Variants in BRI3 observed in about 807,000 individuals in gnomAD.
BRI3 encodes membrane protein BRI3.
A neutral mutation model predicts 12.8 loss-of-function variants in BRI3; 6 were observed. The observed-to-expected ratio is 0.47, with a 90% CI of 0.26 to 0.93. The LOEUF is 0.93. BRI3 is among the 40% of genes least tolerant of loss of function. The probability of loss-of-function intolerance (pLI) is 0.15; values close to 1 mark genes in which losing one functional copy is unlikely to be tolerated. For synonymous variants in BRI3, 91 were observed against 76.1 expected (o/e 1.20, Z -1.02); for missense variants, 134 against 171.1 (o/e 0.78, Z 1.21).
At chr7:98,317,948 C>T in the BRI3 span, among the ~76,000 whole-genome samples, 3 of 147,788 alleles carry the variant, frequency 2.0e-5, no homozygotes, top group African/African-American at 7.3e-5. Context: ...CTGGCCGGGG[C>T]CCTCACTCAT....
chr7:98,301,562 C>T (rs1425253363), upstream of BRI3, among the ~76,000 whole-genome samples: 1 of 151,528 alleles, frequency 6.6e-6, no homozygotes, highest in African/African-American at 2.4e-5. Context: ...CGTGATCCGC[C>T]CACTTCGGAC....
downstream of BRI3, chr7:98,310,577 C>T (rs779175493): frequency 1.6e-5 from 25 of 1,587,700 alleles, no homozygotes; most frequent in Non-Finnish European, 1.8e-5. Context: ...GAAAGGGTGT[C>T]GTAATCTTTC....
At chr7:98,310,277 G>C in exon 2 of BRI3, 1 of 637,954 alleles carries the variant, frequency 1.6e-6, no homozygotes, top group Non-Finnish European at 2.6e-6. Context: ...GTCTAGTCCT[G>C]TATTTCTTCT....
At chr7:98,312,987 G>A (rs1800925943), downstream of BRI3, among the ~76,000 whole-genome samples, 1 of 152,180 alleles carries the variant, frequency 6.6e-6, no homozygotes. Context: ...AGGGGAGGCA[G>A]GAGCCTGTCC....
intron 2 of BRI3, among the ~76,000 whole-genome samples, chr7:98,289,651 T>TG (rs1189015992): frequency 3.3e-5 from 5 of 151,924 alleles, no homozygotes; most frequent in Admixed American, 2.0e-4. Flanking sequence ...ACTGGCTGGA[T>TG]GGGGGGTTTG....
intron 2 of BRI3, among the ~76,000 whole-genome samples, chr7:98,290,146 CT>C (rs1307100023): frequency 6.8e-6 from 1 of 146,702 alleles, no homozygotes; most frequent in Non-Finnish European, 1.5e-5. Context: ...ATGTATGTGG[CT>C]TGTGGCACCA....
At chr7:98,312,413 CA>C (rs1260950570), downstream of BRI3, 67 of 811,156 alleles carry the variant, frequency 8.3e-5, 1 homozygote, top group Non-Finnish European at 1.1e-4. Context: ...GCACTTTAAG[CA>C]CCTAGAGGAT....
At position 98,288,977 on chromosome 7, in the gene BRI3, T is replaced by G. The variant is rs796709125; in HGVS notation, c.246-2134T>G. On this transcript the variant is annotated intron_variant, in intron 2 of 2. Coordinates refer to ENST00000297290, the MANE Select transcript of BRI3 (RefSeq NM_015379.5). ...AGTTTTTTTCTTTTTTCTTTTTTTTTGAGACGGAGTTTTGCTCTTGTTGCC... is the reference window on the plus strand; with the variant it reads ...AGTTTTTTTCTTTTTTCTTTTTTTTGGAGACGGAGTTTTGCTCTTGTTGCC... 1.9e-4 allele frequency among the ~76,000 whole-genome samples: 29 copies of G among 152,238 alleles called. 1 individual carries two copies. Among genetic ancestry groups the G allele is most frequent in the African/African-American group, 7.0e-4 (29 of 41,552 alleles).
At chr7:98,321,792 C>T in the BRI3 span, among the ~76,000 whole-genome samples, 2 of 152,088 alleles carry the variant, frequency 1.3e-5, no homozygotes, top group Admixed American at 1.3e-4. Context: ...TACAGCTCAG[C>T]GGCCAGATAA....
exon 2 of BRI3, chr7:98,309,078 C>G (rs979471050): frequency 6.6e-6 from 1 of 152,104 alleles, no homozygotes; most frequent in African/African-American, 2.4e-5. Context: ...CTTGCAGATT[C>G]TTCATGATTA....
intron 2 of BRI3, among the ~76,000 whole-genome samples, chr7:98,283,679 C>T (rs1011119945): frequency 6.6e-5 from 10 of 152,272 alleles, no homozygotes; most frequent in Non-Finnish European, 1.2e-4. Flanking sequence ...GGTCTGCCTG[C>T]GTGTCATTGT....
chr7:98,307,618 T>A, exon 2 of BRI3: 4 of 1,590,130 alleles, frequency 2.5e-6, no homozygotes, highest in Non-Finnish European at 2.6e-6. Context: ...ACGAAGACAG[T>A]TTGCAGCTTG....
chr7:98,305,851 C>T (rs75080825), upstream of BRI3, among the ~76,000 whole-genome samples: 155 of 152,244 alleles, frequency 1.0e-3, no homozygotes, highest in African/African-American at 3.3e-3. Flanking sequence ...ATCTGGAATA[C>T]GGATTTGGGG....
At chr7:98,301,643 G>A (rs1021702963), upstream of BRI3, among the ~76,000 whole-genome samples, 1 of 152,118 alleles carries the variant, frequency 6.6e-6, no homozygotes, top group African/African-American at 2.4e-5. Flanking sequence ...AAGACAGAAA[G>A]GGGGAACCTG....
chr7:98,284,449 T>G (rs549508048), intron 2 of BRI3, among the ~76,000 whole-genome samples: 1 of 152,158 alleles, frequency 6.6e-6, no homozygotes, highest in South Asian at 2.1e-4. Flanking sequence ...CTGGCGTGGG[T>G]GGGGTGTGTG....
At chr7:98,314,274 T>C (rs997883966), downstream of BRI3, among the ~76,000 whole-genome samples, 2 of 152,128 alleles carry the variant, frequency 1.3e-5, no homozygotes, top group South Asian at 2.1e-4. Flanking sequence ...TGAGCCACCA[T>C]GCGCAGTCCT....
chr7:98,317,278 T>A, the BRI3 span: 3 of 1,614,170 alleles, frequency 1.9e-6, no homozygotes, highest in South Asian at 3.3e-5. Context: ...TTCCTTCTGA[T>A]CTTCTTCAAC....
At chr7:98,314,982 ATT>A (rs1384056955), downstream of BRI3, among the ~76,000 whole-genome samples, 3 of 152,210 alleles carry the variant, frequency 2.0e-5, no homozygotes, top group East Asian at 5.8e-4. Context: ...ACGTTTGACC[ATT>A]TCAGCTGTAT....
At chr7:98,321,196 A>G in the BRI3 span, among the ~76,000 whole-genome samples, 7 of 152,116 alleles carry the variant, frequency 4.6e-5, no homozygotes, top group Admixed American at 4.6e-4. Flanking sequence ...TCCCTAAGCC[A>G]AGTTCTATAT....
Sources: gnomAD v4.1 joint callset for allele counts (sites outside exome capture counted in the v4.1 genomes callset) on GRCh38, gnomAD v4.1.1 for gene constraint, MANE v1.5 for transcripts, NCBI Gene and HGNC (gene_info 2026-07-23, HGNC 2026-07-21) for gene names.